The following ZNF532 variants were observed in gnomAD, a reference collection of about 807,000 sequenced individuals.
ZNF532 encodes the protein zinc finger protein 532.
Under a neutral mutation model 89.3 loss-of-function variants are expected in ZNF532, and 22 were observed. That is an observed-to-expected ratio of 0.25 (90% CI 0.18 to 0.35). ZNF532 has a LOEUF of 0.35. ZNF532 is among the 10% of genes least tolerant of loss of function. The pLI, the probability that ZNF532 is intolerant of heterozygous loss-of-function variation, is 1.00. For synonymous variants in ZNF532, 606 were observed against 649.6 expected (o/e 0.93, Z 1.02); for missense variants, 1,132 against 1,643.4 (o/e 0.69, Z 5.38).
intron 3 of ZNF532, chr18:58,932,611 A>G (rs1377992085): frequency 1.3e-5 from 2 of 152,044 alleles, no homozygotes; most frequent in Non-Finnish European, 2.9e-5. Flanking sequence ...TCCAGTTCAA[A>G]TCCTGGTTCT....
chr18:58,910,377 A>C (rs2060205412), intron 2 of ZNF532, among the ~76,000 whole-genome samples: 1 of 152,166 alleles, frequency 6.6e-6, no homozygotes, highest in Non-Finnish European at 1.5e-5. Flanking sequence ...TGTATGAATG[A>C]CCAAAATTAC....
At chr18:58,896,551 A>G (rs2059263120) in intron 2 of ZNF532, 1 of 153,026 alleles carries the variant, frequency 6.5e-6, no homozygotes, top group Non-Finnish European at 1.5e-5. Flanking sequence ...GTCTTCAGCC[A>G]TATGCATCTG....
chr18:58,953,405 T>C (rs1432869755), intron 6 of ZNF532, 113 bp from the exon 7 acceptor site: 3 of 864,382 alleles, frequency 3.5e-6, no homozygotes, highest in African/African-American at 1.7e-5. Context: ...TAAATATTTC[T>C]GAATGAATAT....
At chr18:58,911,196 T>C (rs185077022) in intron 2 of ZNF532, among the ~76,000 whole-genome samples, 4 of 152,348 alleles carry the variant, frequency 2.6e-5, no homozygotes, top group Non-Finnish European at 2.9e-5. Context: ...AGGGTAAGGC[T>C]GGAGGAGATC....
At chr18:58,971,361 G>A (rs2066459438) in intron 7 of ZNF532, among the ~76,000 whole-genome samples, 2 of 152,304 alleles carry the variant, frequency 1.3e-5, no homozygotes, top group East Asian at 3.9e-4. Flanking sequence ...GGTTCTGAAT[G>A]ATTGAGACTT....
chr18:58,952,888 C>G (rs1603282938), intron 6 of ZNF532, among the ~76,000 whole-genome samples: 1 of 152,304 alleles, frequency 6.6e-6, no homozygotes, highest in East Asian at 1.9e-4. Flanking sequence ...TTTAAAAAGA[C>G]ATGAGTATCT....
intron 7 of ZNF532, among the ~76,000 whole-genome samples, chr18:58,972,476 T>TAA (rs2066571484): frequency 6.6e-6 from 1 of 152,230 alleles, no homozygotes. Context: ...AGGCCACAGT[T>TAA]ATTTGAGTCT....
intron 7 of ZNF532, among the ~76,000 whole-genome samples, chr18:58,975,019 G>A (rs1181768638): frequency 2.0e-5 from 3 of 152,188 alleles, no homozygotes; most frequent in South Asian, 2.1e-4. Flanking sequence ...TAGGAGCACC[G>A]ATGTTGCATT....
intron 2 of ZNF532, among the ~76,000 whole-genome samples, chr18:58,891,146 C>T (rs1051330136): frequency 6.6e-6 from 1 of 152,158 alleles, no homozygotes; most frequent in East Asian, 1.9e-4. Context: ...GTCTCGATCC[C>T]TTGATCTTGT....
chr18:58,927,510 G>C (rs1201824256), intron 3 of ZNF532, among the ~76,000 whole-genome samples: 1 of 151,886 alleles, frequency 6.6e-6, no homozygotes, highest in Non-Finnish European at 1.5e-5. Flanking sequence ...CCAAATCTGG[G>C]ATATATGAGG....
intron 2 of ZNF532, among the ~76,000 whole-genome samples, chr18:58,900,963 C>T (rs1226897926): frequency 2.0e-5 from 3 of 152,130 alleles, no homozygotes; most frequent in African/African-American, 7.2e-5. Flanking sequence ...TTAATGCCAT[C>T]TTTGTAGGGT....
intron 4 of ZNF532, among the ~76,000 whole-genome samples, chr18:58,936,139 T>C (rs1459561403): frequency 6.6e-6 from 1 of 152,242 alleles, no homozygotes; most frequent in Non-Finnish European, 1.5e-5. Context: ...AATTATGTGG[T>C]AATTCACGTA....
chr18:58,880,767 C>CGTGTGTGT (rs575708906), intron 2 of ZNF532, among the ~76,000 whole-genome samples: 11 of 130,934 alleles, frequency 8.4e-5, no homozygotes, highest in African/African-American at 2.9e-4. Flanking sequence ...CGCGCACGCG[C>CGTGTGTGT]GCGCGTCTGT....
intron 2 of ZNF532, among the ~76,000 whole-genome samples, chr18:58,869,446 A>T (rs1233688635): frequency 1.3e-5 from 2 of 152,190 alleles, no homozygotes; most frequent in Non-Finnish European, 2.9e-5. Context: ...TGCAGCAATT[A>T]TTTTTAATCT....
At chr18:58,942,654 C>T (rs1174748404) in intron 5 of ZNF532, among the ~76,000 whole-genome samples, 1 of 152,020 alleles carries the variant, frequency 6.6e-6, no homozygotes, top group Non-Finnish European at 1.5e-5. Context: ...AACCCTCCCT[C>T]ACCCCCTTTT....
intron 2 of ZNF532, among the ~76,000 whole-genome samples, chr18:58,906,907 C>G (rs2059967063): frequency 6.6e-6 from 1 of 152,152 alleles, no homozygotes; most frequent in Non-Finnish European, 1.5e-5. Context: ...AGGAACTTTA[C>G]AGATTTATGA....
At chr18:58,888,103 ATAT>A (rs774470677) in intron 2 of ZNF532, among the ~76,000 whole-genome samples, 2 of 152,332 alleles carry the variant, frequency 1.3e-5, no homozygotes, top group African/African-American at 2.4e-5. Context: ...AAAACTTGAT[ATAT>A]TTTAAAGGAA....
Position 58,939,581 on chromosome 18 carries a change from G to T in ZNF532, c.2665G>T (p.Ala889Ser), listed in dbSNP as rs974874965. ...GTCTGCCCCAAGCACACATTCCCAC[G>T]CCTACACACAGCATCCTGGCATCAA... ...FKSAPSTHSH[A>S]YTQHPGIKIG... is the part of the protein sequence containing the mutation. Residue 889 changes from alanine (A) to serine (S), a missense_variant, in exon 5 of 10, where the codon GCC (alanine) becomes TCC (serine). By Grantham distance (99) the Ala-to-Ser change is moderately conservative. Coordinates refer to ENST00000591808, the MANE Select transcript of ZNF532 (RefSeq NM_001375912.1). 1 of 1,613,790 alleles carries T rather than the reference G, an allele frequency of 6.2e-7. No individual in the cohort carries two copies. The highest frequency in any genetic ancestry group is 1.7e-5 in the Admixed American group (1 of 59,906).
At chr18:58,957,323 A>C (rs1376647521) in intron 7 of ZNF532, among the ~76,000 whole-genome samples, 1 of 151,708 alleles carries the variant, frequency 6.6e-6, no homozygotes, top group East Asian at 1.9e-4. Context: ...ATGAAATATT[A>C]TGCATTAGGA....
Sources: allele counts gnomAD v4.1 joint callset (sites outside exome capture counted in the v4.1 genomes callset), GRCh38; gene constraint gnomAD v4.1.1; transcripts MANE v1.5; gene names NCBI Gene and HGNC (gene_info 2026-07-23, HGNC 2026-07-21).